PCDH15: variants seen among roughly 807,000 people sequenced by gnomAD.
PCDH15 encodes protocadherin-15.
In PCDH15, 129 loss-of-function variants were observed where a neutral mutation model predicts 178.5. The observed-to-expected ratio is 0.72, with a 90% confidence interval of 0.63 to 0.84. PCDH15 has a LOEUF of 0.84. PCDH15 is among the 40% of genes least tolerant of loss of function. PCDH15 has a pLI of 0.00. For missense variants in PCDH15, 2,230 were observed against 2,099.9 expected (o/e 1.06, Z -1.21); for synonymous variants, 800 against 732.0 (o/e 1.09, Z -1.50).
chr10:55,421,544 A>T (rs945938180), intron 2 of PCDH15, among the ~76,000 whole-genome samples: 9 of 150,524 alleles, frequency 6.0e-5, no homozygotes, highest in Non-Finnish European at 8.9e-5. Context: ...TACTAATAAC[A>T]TATCTGGAAT....
chr10:54,293,087 C>G (rs1212555067), intron 8 of PCDH15, among the ~76,000 whole-genome samples: 1 of 152,136 alleles, frequency 6.6e-6, no homozygotes, highest in East Asian at 1.9e-4. Flanking sequence ...CTACAGTAAC[C>G]AAAACTGCAT....
At chr10:54,166,168 T>C (rs1488072393) in intron 13 of PCDH15, among the ~76,000 whole-genome samples, 5 of 152,228 alleles carry the variant, frequency 3.3e-5, no homozygotes, top group Non-Finnish European at 7.3e-5. Context: ...CATCATATTA[T>C]CTTCACTTGC....
chr10:55,206,891 T>A (rs1186926380), intron 1 of PCDH15, among the ~76,000 whole-genome samples: 1 of 152,100 alleles, frequency 6.6e-6, no homozygotes, highest in Non-Finnish European at 1.5e-5. Context: ...TGAATGATTT[T>A]TGACCTCTTA....
At chr10:53,870,958 T>C (rs1287569890) in intron 26 of PCDH15, among the ~76,000 whole-genome samples, 2 of 152,110 alleles carry the variant, frequency 1.3e-5, no homozygotes, top group Non-Finnish European at 2.9e-5. Flanking sequence ...TGTTAAATAA[T>C]TTTAAACTTA....
chr10:54,237,062 C>G (rs1410162784), intron 8 of PCDH15, 131 bp from the exon 9 acceptor site: 2 of 803,692 alleles, frequency 2.5e-6, no homozygotes, highest in Non-Finnish European at 4.3e-6. Context: ...CATTTATGAT[C>G]TAATACCTTT....
intron 2 of PCDH15, among the ~76,000 whole-genome samples, chr10:55,556,713 T>C (rs1364761601): frequency 6.6e-6 from 1 of 152,032 alleles, no homozygotes; most frequent in Non-Finnish European, 1.5e-5. Context: ...GTGGCGCGTG[T>C]GCGTGCAATC....
chr10:54,150,774 ATTTG>A (rs1200721871), intron 14 of PCDH15, among the ~76,000 whole-genome samples: 1 of 150,494 alleles, frequency 6.6e-6, no homozygotes, highest in Non-Finnish European at 1.5e-5. Context: ...TTGTGTTTTT[ATTTG>A]TTTCTTTTAT....
intron 3 of PCDH15, among the ~76,000 whole-genome samples, chr10:54,861,393 A>T (rs1210213583): frequency 2.6e-5 from 4 of 152,186 alleles, no homozygotes; most frequent in African/African-American, 9.6e-5. Flanking sequence ...TCCTGGAAAG[A>T]TACAACCTCC....
intron 2 of PCDH15, among the ~76,000 whole-genome samples, chr10:54,542,952 T>C (rs949440310): frequency 1.3e-5 from 2 of 152,084 alleles, no homozygotes; most frequent in Non-Finnish European, 2.9e-5. Context: ...GAGGAACACA[T>C]TGGCAGAAGA....
chr10:53,917,122 CAT>C (rs2083592772), intron 25 of PCDH15, among the ~76,000 whole-genome samples: 2 of 151,974 alleles, frequency 1.3e-5, no homozygotes, highest in South Asian at 4.1e-4. Flanking sequence ...TATTGGAAAA[CAT>C]ATGAAAAGTA....
chr10:55,368,713 TTAAG>T (rs1845424130), intron 2 of PCDH15, among the ~76,000 whole-genome samples: 1 of 152,138 alleles, frequency 6.6e-6, no homozygotes, highest in Admixed American at 6.6e-5. Flanking sequence ...TGAAAGCCCT[TTAAG>T]TAAGTATAAT....
chr10:53,809,021 T>C, intron 37 of PCDH15: 1 of 1,593,494 alleles, frequency 6.3e-7, no homozygotes, highest in Non-Finnish European at 8.6e-7. Context: ...TCCTCTTTCC[T>C]ACCCTTGACT....
intron 2 of PCDH15, among the ~76,000 whole-genome samples, chr10:54,618,935 G>A (rs1390204464): frequency 1.3e-5 from 2 of 151,884 alleles, no homozygotes; most frequent in Non-Finnish European, 2.9e-5. Context: ...GGCACTCCAG[G>A]AGGATATCAA....
At chr10:54,671,420 G>A (rs956865470) in intron 1 of PCDH15, among the ~76,000 whole-genome samples, 1 of 152,098 alleles carries the variant, frequency 6.6e-6, no homozygotes, top group Non-Finnish European at 1.5e-5. Context: ...GTATGAAAAT[G>A]TCAGTGACTT....
At chr10:54,319,907 G>A (rs928557491) in intron 7 of PCDH15, among the ~76,000 whole-genome samples, 3 of 151,968 alleles carry the variant, frequency 2.0e-5, no homozygotes, top group Non-Finnish European at 4.4e-5. Context: ...TAGGAAACAC[G>A]AATTTCTGTT....
At chr10:54,471,417 A>G (rs531044561) in intron 3 of PCDH15, among the ~76,000 whole-genome samples, 10 of 152,122 alleles carry the variant, frequency 6.6e-5, no homozygotes, top group Non-Finnish European at 8.8e-5. Flanking sequence ...ACCTAAATAA[A>G]CATGTATTTA....
In PCDH15 at chr10:54,153,111, A is replaced by G. The variant is rs1178375441; in HGVS notation, c.1773T>C (p.Pro591=). The G allele has an allele frequency of 1.2e-5, 19 of 1,613,830 alleles. No homozygotes were observed. The highest frequency in any genetic ancestry group is 3.3e-5 in the South Asian group (3 of 91,082). The change falls in exon 14 of 38, where the codon CCT becomes CCC. Residue 591 remains proline (P), a synonymous_variant. Transcript: ENST00000644397. ...CTAATATAAATTACCTTCGCTCTGC[A>G]GGAGGAGCATTATCCGCTGCTTGGA... is the stretch of plus-strand genomic sequence containing the variant. The part of the protein sequence containing the change: ...LTVQAADNAP[P]AERRNSICTV...
At chr10:55,075,759 G>C (rs573699815) in intron 2 of PCDH15, among the ~76,000 whole-genome samples, 3 of 150,358 alleles carry the variant, frequency 2.0e-5, no homozygotes, top group African/African-American at 7.3e-5. Context: ...GATCTTTATT[G>C]TATCTTTTCT....
At chr10:55,225,911 G>C (rs775722061) in intron 1 of PCDH15, among the ~76,000 whole-genome samples, 3 of 152,020 alleles carry the variant, frequency 2.0e-5, no homozygotes, top group Non-Finnish European at 4.4e-5. Context: ...ACAGCAAAGA[G>C]TAAGAGTGAG....
Sources: allele counts gnomAD v4.1 joint callset (sites outside exome capture counted in the v4.1 genomes callset), GRCh38; gene constraint gnomAD v4.1.1; transcripts MANE v1.5; gene names NCBI Gene and HGNC (gene_info 2026-07-23, HGNC 2026-07-21).